Variants in ADCY2 observed in about 807,000 individuals in gnomAD.
ADCY2 encodes the protein adenylate cyclase 2.
ADCY2 carries 31 observed loss-of-function variants against 125.2 expected under a neutral mutation model. The ratio of observed to expected loss-of-function variants is 0.25; its 90% CI spans 0.19 to 0.33. The LOEUF (loss-of-function observed/expected upper bound fraction) is 0.33. Ranked by LOEUF, ADCY2 falls within the 10% of genes least tolerant of loss-of-function variation. The pLI, the probability that ADCY2 is intolerant of heterozygous loss-of-function variation, is 1.00. For missense variants in ADCY2, 904 were observed against 1,418.2 expected, an observed-to-expected ratio of 0.64 and a Z score of 5.82; for synonymous variants, 512 against 548.4, an observed-to-expected ratio of 0.93 and a Z score of 0.93.
intron 1 of ADCY2, among the ~76,000 whole-genome samples, chr5:7,405,532 T>G (rs564350780): frequency 6.6e-6 from 1 of 152,242 alleles, no homozygotes; most frequent in African/African-American, 2.4e-5. Flanking sequence ...TCTCCTCTCA[T>G]TTAGCAGGCT....
At chr5:7,559,015 T>A (rs967721543) in intron 3 of ADCY2, among the ~76,000 whole-genome samples, 1 of 152,192 alleles carries the variant, frequency 6.6e-6, no homozygotes. Flanking sequence ...AGGTTTTCTA[T>A]TCTGTTCCAT....
chr5:7,536,040 A>T (rs1423830115), intron 3 of ADCY2, among the ~76,000 whole-genome samples: 1 of 152,224 alleles, frequency 6.6e-6, no homozygotes. Flanking sequence ...ACTGTCCTAC[A>T]TCTAGCTCAA....
intron 2 of ADCY2, among the ~76,000 whole-genome samples, chr5:7,441,369 G>A (rs1445147599): frequency 6.6e-6 from 1 of 152,022 alleles, no homozygotes; most frequent in Non-Finnish European, 1.5e-5. Flanking sequence ...AAGATGCTTC[G>A]CTGAGTGATA....
chr5:7,602,463 T>C (rs564296053), intron 3 of ADCY2, among the ~76,000 whole-genome samples: 21 of 152,182 alleles, frequency 1.4e-4, no homozygotes, highest in Non-Finnish European at 2.5e-4. Flanking sequence ...CTTGCAGACC[T>C]TCATGCACAG....
chr5:7,443,513 G>A (rs921832788), intron 2 of ADCY2, among the ~76,000 whole-genome samples: 2 of 151,226 alleles, frequency 1.3e-5, no homozygotes, highest in African/African-American at 4.9e-5. Context: ...GGTGGCGGGT[G>A]CCTGTAGTCC....
chr5:7,694,182 A>C (rs543239859), intron 5 of ADCY2, among the ~76,000 whole-genome samples: 2 of 152,312 alleles, frequency 1.3e-5, no homozygotes, highest in East Asian at 3.9e-4. Flanking sequence ...GGCTTAGCAG[A>C]AGGAGCAGAG....
chr5:7,751,948 T>G (rs1742839458), intron 15 of ADCY2, among the ~76,000 whole-genome samples: 1 of 152,170 alleles, frequency 6.6e-6, no homozygotes, highest in Admixed American at 6.5e-5. Context: ...TCAACACGTA[T>G]TTGACGAGTT....
At chr5:7,704,151 G>A (rs4701791) in intron 7 of ADCY2, among the ~76,000 whole-genome samples, 76,216 of 151,760 alleles carry the variant, frequency 0.5, 19,670 homozygotes, top group East Asian at 0.83. Flanking sequence ...TCATTGAGCC[G>A]TGCGTGGGAT....
At chr5:7,755,631 C>G (rs549882144) in intron 15 of ADCY2, among the ~76,000 whole-genome samples, 1 of 152,280 alleles carries the variant, frequency 6.6e-6, no homozygotes, top group South Asian at 2.1e-4. Flanking sequence ...CTGTTATTAT[C>G]CCCGTTTCAG....
chr5:7,508,589 C>T (rs903005730), intron 2 of ADCY2, among the ~76,000 whole-genome samples: 3 of 152,100 alleles, frequency 2.0e-5, no homozygotes, highest in African/African-American at 7.2e-5. Flanking sequence ...TTCTAAAAGC[C>T]CCAGTTCTGA....
chr5:7,505,573 T>C (rs1743780879), intron 2 of ADCY2, among the ~76,000 whole-genome samples: 1 of 152,242 alleles, frequency 6.6e-6, no homozygotes, highest in South Asian at 2.1e-4. Context: ...AAAGCCCCAC[T>C]GAGCCAACGC....
At chr5:7,462,307 A>G (rs533979526) in intron 2 of ADCY2, among the ~76,000 whole-genome samples, 13 of 152,332 alleles carry the variant, frequency 8.5e-5, no homozygotes, top group African/African-American at 3.1e-4. Context: ...GAAAATGTTT[A>G]AAAAATACTG....
chr5:7,505,528 C>G (rs756946733), intron 2 of ADCY2, among the ~76,000 whole-genome samples: 4 of 152,162 alleles, frequency 2.6e-5, no homozygotes, highest in Admixed American at 2.0e-4. Context: ...GGGTTGGAGC[C>G]GAGGACTGTG....
At chr5:7,404,724 C>T (rs1739405955) in intron 1 of ADCY2, among the ~76,000 whole-genome samples, 1 of 152,192 alleles carries the variant, frequency 6.6e-6, no homozygotes, top group Admixed American at 6.5e-5. Flanking sequence ...CTGGAAACAC[C>T]ACCATCATTT....
intron 14 of ADCY2, among the ~76,000 whole-genome samples, chr5:7,734,728 T>A (rs1579371331): frequency 1.3e-5 from 2 of 152,208 alleles, no homozygotes; most frequent in South Asian, 4.1e-4. Context: ...TTACTTTGTC[T>A]CACAGTATTT....
intron 2 of ADCY2, among the ~76,000 whole-genome samples, chr5:7,454,804 CA>C (rs1389373641): frequency 6.6e-6 from 1 of 152,016 alleles, no homozygotes; most frequent in Non-Finnish European, 1.5e-5. Context: ...TTGCCTTTTT[CA>C]CATGTGTTTA....
intron 2 of ADCY2, among the ~76,000 whole-genome samples, chr5:7,415,234 C>G (rs1739894088): frequency 6.6e-6 from 1 of 152,172 alleles, no homozygotes. Flanking sequence ...TCTTATTCCT[C>G]CTGTCTAACT....
intron 15 of ADCY2, among the ~76,000 whole-genome samples, chr5:7,754,023 G>C (rs1291293278): frequency 6.6e-6 from 1 of 152,142 alleles, no homozygotes; most frequent in Non-Finnish European, 1.5e-5. Flanking sequence ...GAAAATGCAT[G>C]GGTGAATAAT....
intron 4 of ADCY2, among the ~76,000 whole-genome samples, chr5:7,683,400 C>T (rs1372498996): frequency 6.6e-6 from 1 of 152,172 alleles, no homozygotes; most frequent in African/African-American, 2.4e-5. Context: ...CTAGGGTAAG[C>T]GGTGATAAAA....
Sources: allele counts gnomAD v4.1 joint callset (sites outside exome capture counted in the v4.1 genomes callset), GRCh38; gene constraint gnomAD v4.1.1; transcripts MANE v1.5; gene names NCBI Gene and HGNC (gene_info 2026-07-23, HGNC 2026-07-21).